Variants in PPP4R4 observed in about 807,000 individuals in gnomAD.
The protein encoded by PPP4R4 is serine/threonine-protein phosphatase 4 regulatory subunit 4.
A neutral mutation model predicts 121.8 loss-of-function variants in PPP4R4; 70 were observed. That is an observed-to-expected ratio of 0.57 (90% CI 0.47 to 0.70). The LOEUF is 0.70. PPP4R4 is among the 30% of genes least tolerant of loss of function. The pLI, the probability that PPP4R4 is intolerant of heterozygous loss-of-function variation, is 0.00. For synonymous variants in PPP4R4, 348 were observed against 355.7 expected, an observed-to-expected ratio of 0.98 and a Z score of 0.24; for missense variants, 875 against 1,033.6, an observed-to-expected ratio of 0.85 and a Z score of 2.10.
intron 2 of PPP4R4, 109 bp from the exon 3 acceptor site, chr14:94,208,355 T>C: frequency 1.5e-6 from 1 of 674,134 alleles, no homozygotes; most frequent in South Asian, 3.8e-5. Context: ...GAAGTCTGAG[T>C]GCTTAACATT....
At chr14:94,242,108 T>G in intron 10 of PPP4R4, 151 bp downstream of exon 10, 1 of 1,162,566 alleles carries the variant, frequency 8.6e-7, no homozygotes, top group Non-Finnish European at 1.2e-6. Flanking sequence ...ATTTGTGAAA[T>G]TTATATCTCT....
chr14:94,236,014 C>T (rs1892327135), intron 7 of PPP4R4, among the ~76,000 whole-genome samples: 1 of 152,080 alleles, frequency 6.6e-6, no homozygotes, highest in South Asian at 2.1e-4. Flanking sequence ...ATTTAAGGCT[C>T]CGAAAAGGCT....
intron 12 of PPP4R4, 32 bp downstream of exon 12, chr14:94,244,744 CT>C (rs1351024149): frequency 4.1e-6 from 6 of 1,458,580 alleles, no homozygotes; most frequent in Non-Finnish European, 4.6e-6. Flanking sequence ...ATTTTTAATT[CT>C]TTTATGTTTG....
intron 19 of PPP4R4, among the ~76,000 whole-genome samples, chr14:94,262,596 G>A (rs1256944842): frequency 6.6e-6 from 1 of 151,898 alleles, no homozygotes; most frequent in Non-Finnish European, 1.5e-5. Context: ...AATTATATCT[G>A]CATTGAAGAC....
chr14:94,265,052 T>C (rs1893967297), intron 20 of PPP4R4, 105 bp downstream of exon 20: 1 of 1,026,500 alleles, frequency 9.7e-7, no homozygotes, highest in African/African-American at 1.6e-5. Flanking sequence ...GGAAAATTGC[T>C]TTACTTTCTT....
intron 24 of PPP4R4, 51 bp from the exon 25 acceptor site, chr14:94,278,568 C>G: frequency 2.2e-6 from 3 of 1,338,572 alleles, no homozygotes; most frequent in East Asian, 2.4e-5. Context: ...CCCTTTCTCA[C>G]TCCCTCCTTC....
chr14:94,201,902 A>T (rs1890202977), intron 2 of PPP4R4, among the ~76,000 whole-genome samples: 1 of 150,766 alleles, frequency 6.6e-6, no homozygotes, highest in Non-Finnish European at 1.5e-5. Flanking sequence ...AATGCCCATC[A>T]GTCAATGAGT....
chr14:94,277,853 C>T (rs1894725906), intron 24 of PPP4R4, among the ~76,000 whole-genome samples: 1 of 152,108 alleles, frequency 6.6e-6, no homozygotes, highest in Non-Finnish European at 1.5e-5. Context: ...TTTGATAACA[C>T]ATCAGGTTTA....
At chr14:94,235,850 A>T (rs563090396) in intron 7 of PPP4R4, among the ~76,000 whole-genome samples, 1 of 152,276 alleles carries the variant, frequency 6.6e-6, no homozygotes, top group South Asian at 2.1e-4. Context: ...CTTTTCTTTT[A>T]AAAACAAGAT....
chr14:94,275,614 A>G, intron 24 of PPP4R4, 93 bp downstream of exon 24: 1 of 1,384,442 alleles, frequency 7.2e-7, no homozygotes, highest in South Asian at 1.3e-5. Flanking sequence ...CAAAGAATAG[A>G]AAATGTCTGT....
chr14:94,197,092 G>C (rs1889914181), intron 2 of PPP4R4, among the ~76,000 whole-genome samples: 1 of 152,052 alleles, frequency 6.6e-6, no homozygotes, highest in South Asian at 2.1e-4. Context: ...CTTACTTTGT[G>C]AGGTTTCTCG....
chr14:94,214,552 T>C (rs756287359), intron 3 of PPP4R4, among the ~76,000 whole-genome samples: 7 of 151,080 alleles, frequency 4.6e-5, no homozygotes, highest in South Asian at 2.1e-4. Flanking sequence ...TAGGAAAAAA[T>C]AATAATTTCT....
intron 14 of PPP4R4, among the ~76,000 whole-genome samples, chr14:94,249,834 G>T (rs1045075711): frequency 6.6e-6 from 1 of 152,010 alleles, no homozygotes; most frequent in Non-Finnish European, 1.5e-5. Flanking sequence ...GCAAATGTTT[G>T]TCAGATGAAT....
intron 2 of PPP4R4, among the ~76,000 whole-genome samples, chr14:94,207,286 C>T (rs937366691): frequency 3.3e-5 from 5 of 151,898 alleles, no homozygotes; most frequent in African/African-American, 4.8e-5. Context: ...CTCTATTTCA[C>T]ACCCTTTGCT....
intron 17 of PPP4R4, among the ~76,000 whole-genome samples, chr14:94,257,835 G>A (rs770427249): frequency 6.6e-6 from 1 of 152,018 alleles, no homozygotes; most frequent in Non-Finnish European, 1.5e-5. Flanking sequence ...TGCTATACAG[G>A]TGTAACAGTG....
chr14:94,180,816 C>T (rs1225374179), intron 2 of PPP4R4, among the ~76,000 whole-genome samples: 2 of 148,346 alleles, frequency 1.3e-5, no homozygotes, highest in Non-Finnish European at 3.0e-5. Flanking sequence ...TTATTTGGAA[C>T]TTTTTTTTTT....
At chr14:94,196,563 G>A (rs376507441) in intron 2 of PPP4R4, among the ~76,000 whole-genome samples, 2 of 151,884 alleles carry the variant, frequency 1.3e-5, no homozygotes, top group East Asian at 1.9e-4. Flanking sequence ...ATCTGCCTGC[G>A]TCGGCCTCCC....
chr14:94,242,328 G>C lies in PPP4R4; in HGVS notation c.1186G>C (p.Glu396Gln), dbSNP rs1407259496. 1.2e-6 allele frequency: 2 copies of C among 1,609,410 alleles called. No homozygotes were observed. Among genetic ancestry groups the C allele is most frequent in the Non-Finnish European group, 1.7e-6 (2 of 1,176,238 alleles). ...TGTTGATCCTAAAAACTTCCACATG[G>C]AACTCTATTCTACATTCTTCTGCCT... ...VFVDPKNFHM[E>Q]LYSTFFCLCH... Residue 396 changes from glutamate (E) to glutamine (Q), a missense_variant, in exon 11 of 25, where the codon GAA becomes CAA. Transcript: ENST00000304338.
At chr14:94,205,719 C>T (rs1015784956) in intron 2 of PPP4R4, among the ~76,000 whole-genome samples, 1 of 151,370 alleles carries the variant, frequency 6.6e-6, no homozygotes, top group Non-Finnish European at 1.5e-5. Flanking sequence ...TTTTTGATTT[C>T]CCGTGAGACC....
Sources: allele counts gnomAD v4.1 joint callset (sites outside exome capture counted in the v4.1 genomes callset), GRCh38; gene constraint gnomAD v4.1.1; transcripts MANE v1.5; gene names NCBI Gene and HGNC (gene_info 2026-07-23, HGNC 2026-07-21).